MED23: variants seen among roughly 807,000 people sequenced by gnomAD.
MED23 encodes the protein mediator complex subunit 23, also known as mediator of RNA polymerase II transcription subunit 23.
Under a neutral mutation model 163.9 loss-of-function variants are expected in MED23, and 105 were observed. The observed-to-expected ratio is 0.64, with a 90% CI of 0.55 to 0.75. The LOEUF (loss-of-function observed/expected upper bound fraction) is 0.75, where lower values mean the gene tolerates loss of function less well. Among genes scored for constraint, MED23 ranks in the 30% least tolerant of loss-of-function variants. The pLI is 0.00. For missense variants in MED23, 1,054 were observed against 1,649.0 expected (o/e 0.64, Z 6.25); for synonymous variants, 561 against 565.6 (o/e 0.99, Z 0.12).
chr6:131,599,993 G>T, intron 18 of MED23, 45 bp downstream of exon 18: 1 of 1,607,558 alleles, frequency 6.2e-7, no homozygotes, highest in South Asian at 1.1e-5. Flanking sequence ...TGAATGGGAA[G>T]AAGGATTTCA....
intron 28 of MED23, 48 bp from the exon 29 acceptor site, chr6:131,587,894 A>G (rs1319281144): frequency 2.5e-5 from 38 of 1,500,504 alleles, no homozygotes; most frequent in Non-Finnish European, 3.5e-5. Flanking sequence ...GAGAATTTCA[A>G]CTTCTCACAT....
intron 10 of MED23, among the ~76,000 whole-genome samples, chr6:131,613,942 A>G (rs1395276065): frequency 1.3e-5 from 2 of 152,200 alleles, no homozygotes; most frequent in African/African-American, 2.4e-5. Context: ...TTGCAGCTCA[A>G]ATGACCATGG....
At chr6:131,604,715 C>G (rs1775729820) in intron 14 of MED23, among the ~76,000 whole-genome samples, 1 of 152,166 alleles carries the variant, frequency 6.6e-6, no homozygotes, top group African/African-American at 2.4e-5. Context: ...TGGGGCTTTG[C>G]TCAAATCTGT....
chr6:131,581,331 T>C, intron 30 of MED23: 1 of 1,613,886 alleles, frequency 6.2e-7, no homozygotes, highest in Non-Finnish European at 8.5e-7. Flanking sequence ...AAGTGGAAAC[T>C]TGCATGGACA....
At chr6:131,618,607 G>T in intron 8 of MED23, 88 bp from the exon 9 acceptor site, 1 of 863,344 alleles carries the variant, frequency 1.2e-6, no homozygotes, top group Non-Finnish European at 1.9e-6. Flanking sequence ...CATATATGCT[G>T]AAATAGGCAT....
chr6:131,594,121 T>C lies in MED23; in HGVS notation c.3210A>G (p.Arg1070=), dbSNP rs1774861614. ...PWVPDDTYYC[R]LIGRLVDTMA... ...TATTATCGACTAGTCTGCCAATCAA[T>C]CTGCAATAGTAGGTGTCATCTGGAA... Residue 1070 remains arginine (R), a synonymous_variant, in exon 23 of 29, where the codon AGA becomes AGG. Transcript: ENST00000368068. The C allele has an allele frequency of 3.7e-6, 6 of 1,613,868 alleles. No individual in the cohort carries two copies. Among genetic ancestry groups the C allele is most frequent in the Non-Finnish European group, 5.1e-6 (6 of 1,179,876 alleles).
At chr6:131,615,671 G>GA (rs1321728599) in intron 10 of MED23, 55 of 606,586 alleles carry the variant, frequency 9.1e-5, no homozygotes, top group South Asian at 1.8e-4. Context: ...TGGCCTTATA[G>GA]AAAAAAAAGC....
At chr6:131,615,304 C>T in intron 10 of MED23, 1 of 1,610,566 alleles carries the variant, frequency 6.2e-7, no homozygotes, top group Non-Finnish European at 8.5e-7. Context: ...CACAATACAA[C>T]AGTAAGGTTG....
chr6:131,576,896 G>GAGAA (rs1334336528), intron 30 of MED23, among the ~76,000 whole-genome samples: 4 of 152,112 alleles, frequency 2.6e-5, no homozygotes, highest in African/African-American at 9.7e-5. Context: ...AGGGCATGGG[G>GAGAA]AGAATGCTCA....
At chr6:131,601,878 A>G (rs1336075890) in intron 17 of MED23, among the ~76,000 whole-genome samples, 1 of 152,034 alleles carries the variant, frequency 6.6e-6, no homozygotes, top group Non-Finnish European at 1.5e-5. Context: ...AATATCTAAT[A>G]TAATAAATAT....
chr6:131,599,738 A>C (rs1208105110), intron 18 of MED23, among the ~76,000 whole-genome samples: 2 of 151,884 alleles, frequency 1.3e-5, no homozygotes, highest in Non-Finnish European at 2.9e-5. Flanking sequence ...TTTTGTAAGT[A>C]ATGACTTTTT....
At position 131,620,806 on chromosome 6, in the gene MED23, T is replaced by A. The variant is rs929106381; in HGVS notation, c.496-77A>T. 68 of 520,036 alleles carry A rather than the reference T, an allele frequency of 1.3e-4. No individual in the cohort carries two copies. In the South Asian group the frequency reaches 1.8e-3, roughly 14 times the overall value. 32.2% of individuals were successfully genotyped at this position (520,036 alleles called of 1,614,324 possible). The stretch of plus-strand genomic sequence containing the variant: ...CCTTTATTTTATTTATTATCATTAT[T>A]TTTTTTTTTTTTTGAGACAGGGTCT... On this transcript the variant is annotated intron_variant, in intron 6 of 28. Coordinates refer to ENST00000368068, the MANE Select transcript of MED23 (RefSeq NM_004830.4).
intron 27 of MED23, among the ~76,000 whole-genome samples, chr6:131,589,928 A>AT (rs1585450378): frequency 6.6e-6 from 1 of 152,100 alleles, no homozygotes; most frequent in Non-Finnish European, 1.5e-5. Flanking sequence ...GATCCTTTGG[A>AT]TTATACTTTC....
At chr6:131,616,141 T>C (rs1015212014) in intron 9 of MED23, 139 bp from the exon 10 acceptor site, 7 of 707,260 alleles carry the variant, frequency 9.9e-6, no homozygotes, top group East Asian at 8.3e-5. Flanking sequence ...AAAAAAATCA[T>C]AGGATTTTAG....
intron 5 of MED23, among the ~76,000 whole-genome samples, chr6:131,622,329 T>C (rs1474201611): frequency 1.3e-5 from 2 of 152,324 alleles, no homozygotes; most frequent in East Asian, 3.9e-4. Context: ...CTCTGAAAAC[T>C]TGAGTAACAA....
At chr6:131,624,363 AG>A (rs1777329998) in intron 4 of MED23, among the ~76,000 whole-genome samples, 1 of 152,182 alleles carries the variant, frequency 6.6e-6, no homozygotes, top group South Asian at 2.1e-4. Context: ...CCACAAGGTG[AG>A]GGCCTGCGGA....
downstream of MED23, chr6:131,586,646 A>T: frequency 1.2e-6 from 1 of 810,962 alleles, no homozygotes; most frequent in Non-Finnish European, 1.7e-6. Context: ...CACCAACTGT[A>T]GTGTAGGAAC....
intron 22 of MED23, among the ~76,000 whole-genome samples, chr6:131,595,019 G>A (rs1325640513): frequency 1.3e-5 from 2 of 152,130 alleles, no homozygotes; most frequent in African/African-American, 4.8e-5. Flanking sequence ...ACGCTCACTT[G>A]AACTTTATGC....
At chr6:131,602,953 A>T in intron 16 of MED23, 77 bp downstream of exon 16, 1 of 1,406,744 alleles carries the variant, frequency 7.1e-7, no homozygotes, top group Non-Finnish European at 1.0e-6. Context: ...TATAAGGTAA[A>T]GGTAAAGGAT....
Sources: gnomAD v4.1 joint callset for allele counts (sites outside exome capture counted in the v4.1 genomes callset) on GRCh38, gnomAD v4.1.1 for gene constraint, MANE v1.5 for transcripts, NCBI Gene and HGNC (gene_info 2026-07-23, HGNC 2026-07-21) for gene names.